Variants in CFAP77 observed in about 807,000 individuals in gnomAD.
The protein encoded by CFAP77 is cilia- and flagella-associated protein 77.
CFAP77 carries 25 observed loss-of-function variants against 31.1 expected under a neutral mutation model. That is an observed-to-expected ratio of 0.80 (90% CI 0.59 to 1.12). CFAP77 has a LOEUF of 1.12. Among genes scored for constraint, CFAP77 ranks in the 50% most tolerant of loss-of-function variants. CFAP77 has a pLI of 0.00. For synonymous variants in CFAP77, 151 were observed against 159.9 expected (o/e 0.94, Z 0.42); for missense variants, 377 against 397.3 (o/e 0.95, Z 0.44).
chr9:132,463,416 AAG>A (rs1460356093), intron 1 of CFAP77, among the ~76,000 whole-genome samples: 2 of 152,124 alleles, frequency 1.3e-5, no homozygotes, highest in African/African-American at 4.8e-5. Context: ...GGGTAATGGA[AAG>A]AGTTGCAGGC....
chr9:132,455,734 CAAAACAAAACAAA>C lies in CFAP77; in HGVS notation c.196-42957_196-42945del, dbSNP rs959005035. On this transcript the variant is annotated intron_variant, in intron 1 of 5. Coordinates refer to ENST00000393216, the MANE Select transcript of CFAP77 (RefSeq NM_001282957.2). The surrounding 1 kb of genome is among the most constrained non-coding windows in gnomAD (Gnocchi z 4.1). The stretch of plus-strand genomic sequence containing the variant: ...TGACAGAGCAAGACTGTCTCAAAAA[CAAAACAAAACAAA>C]AAAGCAAAACGAACCCCAAATGTCT... Among the ~76,000 whole-genome samples the C allele has an allele frequency of 2.0e-5, 3 of 151,742 alleles. No individual in the cohort carries two copies. The highest frequency in any genetic ancestry group is 7.3e-5 in the African/African-American group (3 of 41,328).
At chr9:132,456,060 T>C (rs1203166747) in intron 1 of CFAP77, among the ~76,000 whole-genome samples, 1 of 152,202 alleles carries the variant, frequency 6.6e-6, no homozygotes, top group Non-Finnish European at 1.5e-5. Flanking sequence ...CTGGCACTCG[T>C]CCATCCACGA....
rs934851083 is a variant in CFAP77 at position 132,498,044 on chromosome 9, T to TG, written c.196-646dup. ...CTATAAATGGGTGGTGGCGGCAGGGTGGGGGCGGCTAATGTGGTTGATGAC... is the reference window on the plus strand; with the variant it reads ...CTATAAATGGGTGGTGGCGGCAGGGTGGGGGGCGGCTAATGTGGTTGATGAC... On this transcript the variant is annotated intron_variant, in intron 1 of 5. Coordinates refer to ENST00000393216, the MANE Select transcript of CFAP77 (RefSeq NM_001282957.2). The surrounding 1 kb of genome is among the most constrained non-coding windows in gnomAD (Gnocchi z 4.2). Among the ~76,000 whole-genome samples, 7 of 151,708 alleles carry TG rather than the reference T, an allele frequency of 4.6e-5. No homozygotes were observed. Among genetic ancestry groups the TG allele is most frequent in the African/African-American group, 1.5e-4 (6 of 41,276 alleles).
In CFAP77 at chr9:132,461,520, G is replaced by A. The variant is rs539119069; in HGVS notation, c.196-37175G>A. 2.0e-5 allele frequency among the ~76,000 whole-genome samples: 3 copies of A among 152,332 alleles called. No individual in the cohort carries two copies. The South Asian group carries it at 6.2e-4, about 32-fold the overall frequency. The stretch of plus-strand genomic sequence containing the variant: ...CAGCCAACTAGGGCAGGCCCCAGCA[G>A]CAGAACAGCTTGATTCCTTGAGCCC... On this transcript the variant is annotated intron_variant, in intron 1 of 5. Coordinates refer to ENST00000393216, the MANE Select transcript of CFAP77 (RefSeq NM_001282957.2).
chr9:132,535,485 G>A (rs1300805157), intron 3 of CFAP77, among the ~76,000 whole-genome samples: 3 of 152,140 alleles, frequency 2.0e-5, no homozygotes, highest in Non-Finnish European at 4.4e-5. Flanking sequence ...GCCGAGGTGG[G>A]CAGATCACTT....
chr9:132,567,605 C>T (rs1237886929), intron 5 of CFAP77, among the ~76,000 whole-genome samples: 1 of 152,184 alleles, frequency 6.6e-6, no homozygotes, highest in Non-Finnish European at 1.5e-5. Context: ...GGCTTGAGGG[C>T]TGTATTAGCT....
chr9:132,415,242 T>C (rs1441034320), intron 1 of CFAP77, among the ~76,000 whole-genome samples: 3 of 152,188 alleles, frequency 2.0e-5, no homozygotes. Flanking sequence ...CGTGGGTTGA[T>C]CCATCCTTAC....
rs1291898256 is a variant in CFAP77 at position 132,517,266 on chromosome 9, C to T, written c.524+17666C>T. Reference sequence around the variant, plus strand: ...TTCTCAGCTGCGAGGGTGCCAGCAACTCCCCGGCCCCCGGGAGCAGCAGAC... The same window carrying T: ...TTCTCAGCTGCGAGGGTGCCAGCAATTCCCCGGCCCCCGGGAGCAGCAGAC... On this transcript the variant is annotated intron_variant, in intron 3 of 5. Transcript: ENST00000393216. This position sits in a 1 kb window ranked among gnomAD's most constrained non-coding sequence, Gnocchi z 4.7. 6.6e-6 allele frequency among the ~76,000 whole-genome samples: 1 copy of T among 152,210 alleles called. No homozygotes were observed. The highest frequency in any genetic ancestry group is 1.9e-4 in the East Asian group (1 of 5,194).
chr9:132,514,540 C>T (rs564554647), intron 3 of CFAP77, among the ~76,000 whole-genome samples: 1 of 152,152 alleles, frequency 6.6e-6, no homozygotes, highest in African/African-American at 2.4e-5. Context: ...AGTGGCCTGG[C>T]GGATCTCCTG....
At chr9:132,532,550 T>A (rs1564243260) in intron 3 of CFAP77, among the ~76,000 whole-genome samples, 1 of 152,190 alleles carries the variant, frequency 6.6e-6, no homozygotes, top group Non-Finnish European at 1.5e-5. Context: ...GTGTTGACAA[T>A]GATTTCAAAG....
chr9:132,463,123 G>T (rs139389815), intron 1 of CFAP77, among the ~76,000 whole-genome samples: 201 of 152,272 alleles, frequency 1.3e-3, no homozygotes, highest in South Asian at 5.6e-3. Flanking sequence ...GCCTGGGCGG[G>T]CTGGGAACGG....
At chr9:132,411,405 A>C (rs1849997127) in intron 1 of CFAP77, among the ~76,000 whole-genome samples, 1 of 152,190 alleles carries the variant, frequency 6.6e-6, no homozygotes, top group Non-Finnish European at 1.5e-5. Flanking sequence ...TTTTGGGGAA[A>C]AGGGAACCCG....
chr9:132,548,345 A>G (rs1049523534), intron 5 of CFAP77, among the ~76,000 whole-genome samples: 1 of 151,958 alleles, frequency 6.6e-6, no homozygotes, highest in Non-Finnish European at 1.5e-5. Context: ...ATTTTTTTCA[A>G]TGAGTAGATG....
chr9:132,517,383 T>C lies in CFAP77; in HGVS notation c.524+17783T>C, dbSNP rs142678044. ...ATCAAGAGCCAAATAAGGACCCGTC[T>C]TGAGTGGAATCACGTTGAACAGACC... On this transcript the variant is annotated intron_variant, in intron 3 of 5. Transcript: ENST00000393216. This position sits in a 1 kb window ranked among gnomAD's most constrained non-coding sequence, Gnocchi z 4.7. 0.018 allele frequency among the ~76,000 whole-genome samples: 2,746 copies of C among 152,356 alleles called. 83 individuals are homozygous for C. The highest frequency in any genetic ancestry group is 0.022 in the Non-Finnish European group (1,471 of 68,028).
chr9:132,535,278 C>T, intron 3 of CFAP77, among the ~76,000 whole-genome samples: 1 of 151,952 alleles, frequency 6.6e-6, no homozygotes. Context: ...TTTGCTTTAT[C>T]CTGGAATGTA....
chr9:132,555,823 T>G (rs1378719291), intron 5 of CFAP77, among the ~76,000 whole-genome samples: 1 of 152,052 alleles, frequency 6.6e-6, no homozygotes, highest in Non-Finnish European at 1.5e-5. Context: ...ATCTCCGCGT[T>G]GTGAGATGGG....
Position 132,433,022 on chromosome 9 carries a change from T to C in CFAP77, c.195+22556T>C, listed in dbSNP as rs367829126. On this transcript the variant is annotated intron_variant, in intron 1 of 5. Transcript: ENST00000393216. ...AGCCACCAAGCCCGGCCAATTTTCG[T>C]ATTTTTAGTAGAGATGGGGTTTCGC... Among the ~76,000 whole-genome samples the C allele has an allele frequency of 1.8e-4, 28 of 151,806 alleles. No homozygotes were observed. In the East Asian group the frequency reaches 4.8e-3, roughly 26 times the overall value.
Position 132,464,672 on chromosome 9 carries a change from T to G in CFAP77, c.196-34023T>G, listed in dbSNP as rs576100129. Among the ~76,000 whole-genome samples the G allele has an allele frequency of 7.9e-5, 12 of 152,330 alleles. No individual in the cohort carries two copies. In the South Asian group the frequency reaches 2.3e-3, roughly 29 times the overall value. ...GACATCTTGGAAGCCTGGAGTGTAC[T>G]TTACACTCACTGCACATCTCGATTC... On this transcript the variant is annotated intron_variant, in intron 1 of 5. Transcript: ENST00000393216.
At chr9:132,513,398 C>G (rs1852075508) in intron 3 of CFAP77, 1 of 1,512,388 alleles carries the variant, frequency 6.6e-7, no homozygotes, top group Non-Finnish European at 8.9e-7. Flanking sequence ...TAAAACGTGT[C>G]AAACACAATC....
Sources: allele counts gnomAD v4.1 joint callset (sites outside exome capture counted in the v4.1 genomes callset), GRCh38; gene constraint gnomAD v4.1.1; non-coding constraint Gnocchi (gnomAD v3.1); transcripts MANE v1.5; gene names NCBI Gene and HGNC (gene_info 2026-07-23, HGNC 2026-07-21).